The following F13A1 variants were observed in gnomAD, a reference collection of about 807,000 sequenced individuals.
F13A1 encodes the protein coagulation factor XIII A chain, also known as FSF, A subunit.
A neutral mutation model predicts 80.1 loss-of-function variants in F13A1; 47 were observed. The ratio of observed to expected loss-of-function variants is 0.59; its 90% confidence interval spans 0.46 to 0.75. The LOEUF is 0.75. Ranked by LOEUF, F13A1 falls within the 30% of genes least tolerant of loss-of-function variation. The pLI is 0.00. For missense variants in F13A1, 817 were observed against 930.4 expected, an observed-to-expected ratio of 0.88 and a Z score of 1.59; for synonymous variants, 349 against 344.9, an observed-to-expected ratio of 1.01 and a Z score of -0.13.
chr6:6,292,524 G>T (rs1375242847), intron 3 of F13A1, among the ~76,000 whole-genome samples: 1 of 152,116 alleles, frequency 6.6e-6, no homozygotes, highest in African/African-American at 2.4e-5. Context: ...GAATTACCCT[G>T]ATTCCCTGAA....
intron 13 of F13A1, among the ~76,000 whole-genome samples, chr6:6,160,136 G>T (rs1760547168): frequency 6.6e-6 from 1 of 151,506 alleles, no homozygotes; most frequent in Non-Finnish European, 1.5e-5. Flanking sequence ...AATTATCTGG[G>T]CGTGGTGGTG....
chr6:6,300,399 G>A (rs1203886526), intron 3 of F13A1, among the ~76,000 whole-genome samples: 2 of 151,326 alleles, frequency 1.3e-5, no homozygotes, highest in South Asian at 2.1e-4. Context: ...GCGAGACTCC[G>A]TGGGCGTAGG....
intron 3 of F13A1, among the ~76,000 whole-genome samples, chr6:6,279,314 T>C (rs975705906): frequency 1.3e-5 from 2 of 152,214 alleles, no homozygotes; most frequent in African/African-American, 2.4e-5. Context: ...GATCTAGAGA[T>C]GTGAGACAGA....
At chr6:6,276,555 G>T (rs1249436707) in intron 3 of F13A1, among the ~76,000 whole-genome samples, 1 of 152,046 alleles carries the variant, frequency 6.6e-6, no homozygotes, top group Non-Finnish European at 1.5e-5. Flanking sequence ...CACCTTTAAG[G>T]GTTATGTCCA....
intron 3 of F13A1, among the ~76,000 whole-genome samples, chr6:6,293,703 G>GAAAGAAA (rs1174040817): frequency 2.7e-5 from 4 of 147,136 alleles, no homozygotes; most frequent in African/African-American, 9.9e-5. Context: ...TAAATATTTA[G>GAAAGAAA]AAAGAAAGAA....
At chr6:6,316,095 A>G (rs1561689699) in intron 2 of F13A1, among the ~76,000 whole-genome samples, 11 of 20,686 alleles carry the variant, frequency 5.3e-4, no homozygotes, top group South Asian at 1.6e-3. Context: ...ATATATATAT[A>G]TATATATATA....
intron 13 of F13A1, among the ~76,000 whole-genome samples, chr6:6,156,068 A>C (rs1760471979): frequency 1.3e-5 from 2 of 152,256 alleles, no homozygotes; most frequent in South Asian, 4.1e-4. Flanking sequence ...AGAGAAAAGA[A>C]TAAAGCATAT....
In F13A1 at chr6:6,250,259, G is replaced by A. The variant is rs557615188; in HGVS notation, c.690+552C>T. Among the ~76,000 whole-genome samples, 35 of 152,282 alleles carry A rather than the reference G, an allele frequency of 2.3e-4. No individual in the cohort carries two copies. The highest frequency in any genetic ancestry group is 7.7e-4 in the African/African-American group (32 of 41,558). On this transcript the variant is annotated intron_variant, in intron 5 of 14. Coordinates refer to ENST00000264870, the MANE Select transcript of F13A1 (RefSeq NM_000129.4). This position sits in a 1 kb window ranked among gnomAD's most constrained non-coding sequence, Gnocchi z 4.2. ...GATACCAAACTGAAATAGTTTGAAT[G>A]ACTGAACATCTTAAAGAAATGCCAT...
chr6:6,224,920 G>C, intron 6 of F13A1, 60 bp from the exon 7 acceptor site: 2 of 1,573,334 alleles, frequency 1.3e-6, no homozygotes, highest in South Asian at 2.2e-5. Context: ...TCTACTCCAG[G>C]CTATGCATGG....
intron 4 of F13A1, among the ~76,000 whole-genome samples, chr6:6,264,095 T>C (rs1757812746): frequency 6.6e-6 from 1 of 152,238 alleles, no homozygotes; most frequent in African/African-American, 2.4e-5. Context: ...CTGCTCATCA[T>C]GGATACAACT....
chr6:6,159,496 G>A (rs1383345425), intron 13 of F13A1, among the ~76,000 whole-genome samples: 1 of 152,218 alleles, frequency 6.6e-6, no homozygotes, highest in African/African-American at 2.4e-5. Context: ...GGATGCAACT[G>A]TGCAAAGTGG....
intron 4 of F13A1, among the ~76,000 whole-genome samples, chr6:6,263,762 C>T (rs1202958121): frequency 6.6e-6 from 1 of 152,234 alleles, no homozygotes; most frequent in Admixed American, 6.5e-5. Flanking sequence ...CGCCATCAAC[C>T]CAATTGGTCT....
At chr6:6,231,834 A>T (rs1224772179) in intron 6 of F13A1, among the ~76,000 whole-genome samples, 2 of 151,854 alleles carry the variant, frequency 1.3e-5, no homozygotes, top group Non-Finnish European at 2.9e-5. Context: ...ACTAAGCATC[A>T]TATATGAAAG....
intron 8 of F13A1, among the ~76,000 whole-genome samples, chr6:6,198,781 A>T (rs1761337119): frequency 6.6e-6 from 1 of 152,244 alleles, no homozygotes; most frequent in African/African-American, 2.4e-5. Flanking sequence ...GCATGTGTTA[A>T]GTGCTCAAAA....
chr6:6,171,582 C>T (rs921824305), intron 12 of F13A1, among the ~76,000 whole-genome samples: 1 of 152,192 alleles, frequency 6.6e-6, no homozygotes, highest in Non-Finnish European at 1.5e-5. Context: ...AGCATCCTAC[C>T]AGTCTCTAAC....
At position 6,145,554 on chromosome 6, in the gene F13A1, T is replaced by C; in HGVS notation, c.*65A>G. ...GTCAAAGCAAGAGCTATTTTTGCGT[T>C]AGAATTTCCTTAGCCAAGACTACAA... On this transcript the variant is annotated 3_prime_UTR_variant, in exon 15 of 15. Transcript: ENST00000264870. 1 of 1,609,542 alleles carries C rather than the reference T, an allele frequency of 6.2e-7. No individual in the cohort carries two copies. The highest frequency in any genetic ancestry group is 8.5e-7 in the Non-Finnish European group (1 of 1,175,982).
At chr6:6,247,596 A>G (rs762996892) in intron 6 of F13A1, among the ~76,000 whole-genome samples, 4 of 152,180 alleles carry the variant, frequency 2.6e-5, no homozygotes, top group Non-Finnish European at 5.9e-5. Context: ...CCTTTCTCAG[A>G]AAGTTGTTCC....
At chr6:6,304,524 C>T (rs892089635) in intron 3 of F13A1, among the ~76,000 whole-genome samples, 1 of 152,098 alleles carries the variant, frequency 6.6e-6, no homozygotes, top group Non-Finnish European at 1.5e-5. Context: ...GTTAAATGGT[C>T]CTTCCCCAGA....
intron 3 of F13A1, among the ~76,000 whole-genome samples, chr6:6,297,713 A>G (rs1758353134): frequency 2.0e-5 from 3 of 148,354 alleles, no homozygotes; most frequent in Non-Finnish European, 3.0e-5. Context: ...TGGATTCATT[A>G]ATTTTTTGAA....
Sources: allele counts gnomAD v4.1 joint callset (sites outside exome capture counted in the v4.1 genomes callset), GRCh38; gene constraint gnomAD v4.1.1; non-coding constraint Gnocchi (gnomAD v3.1); transcripts MANE v1.5; gene names NCBI Gene and HGNC (gene_info 2026-07-23, HGNC 2026-07-21).